Variants in SRRM4 observed in about 807,000 individuals in gnomAD.
The protein encoded by SRRM4 is serine/arginine repetitive matrix protein 4.
Under a neutral mutation model 68.9 loss-of-function variants are expected in SRRM4, and 33 were observed. That is an observed-to-expected ratio of 0.48 (90% CI 0.36 to 0.64). The LOEUF (loss-of-function observed/expected upper bound fraction) is 0.64. Ranked by LOEUF, SRRM4 falls within the 30% of genes least tolerant of loss-of-function variation. The pLI is 0.00. For missense variants in SRRM4, 817 were observed against 827.1 expected, an observed-to-expected ratio of 0.99 and a Z score of 0.15; for synonymous variants, 318 against 318.8, an observed-to-expected ratio of 1.00 and a Z score of 0.03.
intron 1 of SRRM4, among the ~76,000 whole-genome samples, chr12:119,066,680 AT>A (rs1953848028): frequency 6.6e-6 from 1 of 152,212 alleles, no homozygotes; most frequent in Non-Finnish European, 1.5e-5. Context: ...TTTATAATAA[AT>A]CGTCTACAGC....
Position 119,154,181 on chromosome 12 carries a change from C to T in SRRM4, c.1392-62C>T. ...AAAGAAAGGGAGTGTCCCTCTCCCACGCGCTCACGCAGAAAATCCAGCCCA... is the reference window on the plus strand; with the variant it reads ...AAAGAAAGGGAGTGTCCCTCTCCCATGCGCTCACGCAGAAAATCCAGCCCA... On this transcript the variant is annotated intron_variant, in intron 11 of 12. Transcript: ENST00000267260. This position sits in a 1 kb window ranked among gnomAD's most constrained non-coding sequence, Gnocchi z 4.7. The T allele has an allele frequency of 2.7e-6, 4 of 1,476,080 alleles. No individual in the cohort carries two copies. The highest frequency in any genetic ancestry group is 1.2e-5 in the South Asian group (1 of 81,842). The allele number at this position is 1,476,080 out of a possible 1,614,324, so 91.4% of individuals were successfully genotyped here.
chr12:119,118,978 G>T (rs1419557064), intron 4 of SRRM4, among the ~76,000 whole-genome samples: 1 of 151,716 alleles, frequency 6.6e-6, no homozygotes, highest in Non-Finnish European at 1.5e-5. Context: ...GCCTCTCCAG[G>T]CTCTTGAAAT....
chr12:119,134,983 T>C (rs571708734), intron 8 of SRRM4, among the ~76,000 whole-genome samples: 8 of 152,280 alleles, frequency 5.3e-5, no homozygotes, highest in Middle Eastern at 3.4e-3. Context: ...TACATAATTT[T>C]TGCCTCATTT....
intron 1 of SRRM4, among the ~76,000 whole-genome samples, chr12:118,990,831 T>TCACA (rs1953312042): frequency 1.3e-5 from 2 of 152,218 alleles, no homozygotes; most frequent in African/African-American, 4.8e-5. Context: ...TGGTTTGTTT[T>TCACA]TGTTTTGAGA....
Position 119,125,448 on chromosome 12 carries a change from T to A in SRRM4, c.583T>A (p.Ser195Thr). 4 of 1,612,612 alleles carry A rather than the reference T, an allele frequency of 2.5e-6. No homozygotes were observed. The Admixed American group carries it at 5.0e-5, about 20-fold the overall frequency. ...CCGCTGCCCCTCGCGGTCCCAGAGC[T>A]CGGAGTCCCGCCCCTCAAGCTGTGA... ...HHRCPSRSQS[S>T]ESRPSSCESR... The change falls in exon 7 of 13, where the codon TCG becomes ACG. Residue 195 changes from serine (S) to threonine (T), a missense_variant. Physicochemically the swap from Ser to Thr is moderately conservative, Grantham distance 58. Transcript: ENST00000267260.
intron 2 of SRRM4, among the ~76,000 whole-genome samples, chr12:119,103,915 AT>A (rs1954091807): frequency 6.6e-6 from 1 of 152,176 alleles, no homozygotes; most frequent in South Asian, 2.1e-4. Context: ...AGGCAGAAGA[AT>A]TGCTTGTACC....
Position 118,981,890 on chromosome 12 carries a change from G to A in SRRM4, c.8G>A (p.Ser3Asn). 6.2e-7 allele frequency: 1 copy of A among 1,613,618 alleles called. No individual in the cohort carries two copies. Residue 3 changes from serine (S) to asparagine (N), a missense_variant, in exon 1 of 13, where the codon AGC (serine) becomes AAC (asparagine). Transcript: ENST00000267260. MA[S>N]VQQGEKQLFE... ...GGCCCCTTTGGGTTGGCGATGGCGAGCGTTCAGCAAGGCGAGAAGCAGCTT... is the reference window on the plus strand; with the variant it reads ...GGCCCCTTTGGGTTGGCGATGGCGAACGTTCAGCAAGGCGAGAAGCAGCTT...
chr12:119,038,842 C>T (rs1445892685), intron 1 of SRRM4, among the ~76,000 whole-genome samples: 1 of 152,176 alleles, frequency 6.6e-6, no homozygotes, highest in Non-Finnish European at 1.5e-5. Flanking sequence ...TGTTATGATC[C>T]TCCCTCACTG....
intron 1 of SRRM4, among the ~76,000 whole-genome samples, chr12:119,066,692 C>A (rs941471037): frequency 6.6e-6 from 1 of 152,328 alleles, no homozygotes; most frequent in African/African-American, 2.4e-5. Flanking sequence ...CGTCTACAGC[C>A]CTTCACCTGA....
chr12:119,131,032 G>A (rs899078636), intron 8 of SRRM4, among the ~76,000 whole-genome samples, 198 bp downstream of exon 8: 1 of 152,158 alleles, frequency 6.6e-6, no homozygotes, highest in Non-Finnish European at 1.5e-5. Context: ...ATTTTGGGGG[G>A]CAGGGGGAGA....
intron 1 of SRRM4, among the ~76,000 whole-genome samples, chr12:119,016,096 G>A (rs963145097): frequency 1.4e-4 from 22 of 152,186 alleles, no homozygotes; most frequent in Admixed American, 1.4e-3. Context: ...GCACAGGGAA[G>A]ATGAAGGTGA....
intron 1 of SRRM4, among the ~76,000 whole-genome samples, chr12:119,059,059 G>T (rs900918796): frequency 6.6e-6 from 1 of 152,154 alleles, no homozygotes; most frequent in Non-Finnish European, 1.5e-5. Context: ...TGCCCAGCAA[G>T]CTCAAGATCT....
chr12:119,116,634 A>T (rs948541577), intron 3 of SRRM4, among the ~76,000 whole-genome samples: 1 of 152,118 alleles, frequency 6.6e-6, no homozygotes, highest in Non-Finnish European at 1.5e-5. Flanking sequence ...CTGAAAAGGG[A>T]GGGTAGCAAT....
chr12:118,988,561 C>T (rs1019996816), intron 1 of SRRM4, among the ~76,000 whole-genome samples: 3 of 152,040 alleles, frequency 2.0e-5, no homozygotes, highest in Admixed American at 6.6e-5. Flanking sequence ...GGGATTATAG[C>T]GAGCCTGCAA....
chr12:119,146,448 T>C (rs1217807071), intron 9 of SRRM4, among the ~76,000 whole-genome samples: 1 of 151,682 alleles, frequency 6.6e-6, no homozygotes, highest in African/African-American at 2.4e-5. Context: ...TAGCCGGGTG[T>C]GGTGGTACAT....
intron 1 of SRRM4, among the ~76,000 whole-genome samples, chr12:119,079,889 A>G (rs1195924461): frequency 2.9e-5 from 1 of 34,372 alleles, no homozygotes; most frequent in African/African-American, 1.6e-4. Flanking sequence ...AATATTCTGA[A>G]GTTTTTTTTT....
At chr12:119,103,979 G>A (rs1048028559) in intron 2 of SRRM4, among the ~76,000 whole-genome samples, 1 of 151,610 alleles carries the variant, frequency 6.6e-6, no homozygotes, top group Admixed American at 6.6e-5. Flanking sequence ...CTTCAGCCTG[G>A]GCGACAGAGT....
At chr12:119,005,653 C>A (rs1267886580) in intron 1 of SRRM4, among the ~76,000 whole-genome samples, 2 of 152,188 alleles carry the variant, frequency 1.3e-5, no homozygotes, top group Non-Finnish European at 2.9e-5. Context: ...GTGAAACCTA[C>A]CTCATCCAGG....
intron 1 of SRRM4, among the ~76,000 whole-genome samples, chr12:119,075,578 ATGG>A (rs1318227583): frequency 8.9e-5 from 13 of 146,656 alleles, no homozygotes; most frequent in South Asian, 2.2e-4. Context: ...AATGGTGATG[ATGG>A]TGATGATGAT....
Sources: allele counts gnomAD v4.1 joint callset (sites outside exome capture counted in the v4.1 genomes callset), GRCh38; gene constraint gnomAD v4.1.1; non-coding constraint Gnocchi (gnomAD v3.1); transcripts MANE v1.5; gene names NCBI Gene and HGNC (gene_info 2026-07-23, HGNC 2026-07-21).